BRINP3: variants seen among roughly 807,000 people sequenced by gnomAD.
The protein encoded by BRINP3 is BMP/retinoic acid-inducible neural-specific protein 3.
A neutral mutation model predicts 71.0 loss-of-function variants in BRINP3; 19 were observed. The observed-to-expected ratio is 0.27, with a 90% CI of 0.19 to 0.39. The LOEUF is 0.39. Ranked by LOEUF, BRINP3 falls within the 10% of genes least tolerant of loss-of-function variation. BRINP3 has a pLI of 1.00. For missense variants in BRINP3, 959 were observed against 940.8 expected, an observed-to-expected ratio of 1.02 and a Z score of -0.25; for synonymous variants, 380 against 337.7, an observed-to-expected ratio of 1.13 and a Z score of -1.37.
chr1:190,311,892 C>T (rs1665546659), intron 2 of BRINP3, among the ~76,000 whole-genome samples: 1 of 149,614 alleles, frequency 6.7e-6, no homozygotes, highest in Non-Finnish European at 1.5e-5. Context: ...AAGAATAGTG[C>T]CAGGAGAGTA....
At chr1:190,245,871 G>A (rs983968853) in intron 4 of BRINP3, among the ~76,000 whole-genome samples, 23 of 150,714 alleles carry the variant, frequency 1.5e-4, no homozygotes, top group South Asian at 2.1e-4. Flanking sequence ...TTTTGTCCTT[G>A]CGATAGTTTG....
At chr1:190,189,743 A>C (rs893621391) in intron 6 of BRINP3, among the ~76,000 whole-genome samples, 4 of 151,932 alleles carry the variant, frequency 2.6e-5, no homozygotes, top group African/African-American at 9.7e-5. Flanking sequence ...TTATCAGACA[A>C]TTTATAATTA....
At chr1:190,119,589 C>A (rs1653459801) in intron 7 of BRINP3, among the ~76,000 whole-genome samples, 1 of 152,060 alleles carries the variant, frequency 6.6e-6, no homozygotes, top group Admixed American at 6.6e-5. Flanking sequence ...GCCCAGCCCT[C>A]TTTTTACTTT....
intron 6 of BRINP3, among the ~76,000 whole-genome samples, chr1:190,186,622 T>A (rs1571940697): frequency 6.6e-6 from 1 of 152,258 alleles, no homozygotes; most frequent in East Asian, 1.9e-4. Context: ...TTAGCCTGAG[T>A]GCCTTTCCAA....
chr1:190,277,085 T>TG (rs1553276622), intron 3 of BRINP3, among the ~76,000 whole-genome samples: 69 of 12,300 alleles, frequency 5.6e-3, no homozygotes, highest in African/African-American at 9.1e-3. Flanking sequence ...TAAATTTTGG[T>TG]TTTATATATA....
intron 2 of BRINP3, among the ~76,000 whole-genome samples, chr1:190,425,178 G>A (rs546457452): frequency 6.6e-6 from 1 of 151,664 alleles, no homozygotes; most frequent in Non-Finnish European, 1.5e-5. Context: ...ATATTTTGGA[G>A]AACAGAAGAA....
At chr1:190,471,016 T>A (rs1677102547) in intron 1 of BRINP3, among the ~76,000 whole-genome samples, 1 of 151,218 alleles carries the variant, frequency 6.6e-6, no homozygotes, top group African/African-American at 2.4e-5. Flanking sequence ...GCTTATAAAG[T>A]AAGCTTATAA....
At chr1:190,232,835 T>C (rs764190245) in intron 5 of BRINP3, among the ~76,000 whole-genome samples, 2 of 152,108 alleles carry the variant, frequency 1.3e-5, no homozygotes, top group Non-Finnish European at 2.9e-5. Flanking sequence ...GTCATTTTTA[T>C]TGCAATTCAT....
At chr1:190,181,856 T>C (rs748476671) in intron 6 of BRINP3, among the ~76,000 whole-genome samples, 1 of 152,022 alleles carries the variant, frequency 6.6e-6, no homozygotes, top group Non-Finnish European at 1.5e-5. Context: ...TGTTATTTCT[T>C]TCTGTTTAGG....
At chr1:190,265,431 G>A (rs989327273) in intron 3 of BRINP3, among the ~76,000 whole-genome samples, 1 of 151,896 alleles carries the variant, frequency 6.6e-6, no homozygotes, top group African/African-American at 2.4e-5. Context: ...GCCGGGCACG[G>A]TGGCTCACGC....
intron 2 of BRINP3, among the ~76,000 whole-genome samples, chr1:190,356,042 T>C (rs1460008538): frequency 1.3e-5 from 2 of 152,104 alleles, no homozygotes; most frequent in African/African-American, 4.8e-5. Context: ...ATCTGTTCAA[T>C]AGGTGTCAGT....
chr1:190,300,881 C>CA (rs1297008282), intron 2 of BRINP3, among the ~76,000 whole-genome samples: 1 of 151,958 alleles, frequency 6.6e-6, no homozygotes, highest in Non-Finnish European at 1.5e-5. Flanking sequence ...TCTCCTCCTC[C>CA]AAAGGAACGC....
At chr1:190,362,179 A>G (rs1421123296) in intron 2 of BRINP3, 4 of 152,164 alleles carry the variant, frequency 2.6e-5, no homozygotes, top group South Asian at 2.1e-4. Flanking sequence ...AAGAACTTCA[A>G]AGAAACAAAA....
chr1:190,160,187 T>A (rs543066311), intron 7 of BRINP3, among the ~76,000 whole-genome samples: 89 of 152,144 alleles, frequency 5.8e-4, no homozygotes, highest in Non-Finnish European at 1.1e-3. Flanking sequence ...CTATTAAATT[T>A]TAGAAGCTTT....
chr1:190,429,291 T>C (rs1200126094), intron 2 of BRINP3, among the ~76,000 whole-genome samples: 1 of 152,168 alleles, frequency 6.6e-6, no homozygotes, highest in Non-Finnish European at 1.5e-5. Context: ...CTGGAAAGAA[T>C]TTAAATGTAT....
chr1:190,425,178 G>C (rs546457452), intron 2 of BRINP3, among the ~76,000 whole-genome samples: 1 of 151,664 alleles, frequency 6.6e-6, no homozygotes, highest in Non-Finnish European at 1.5e-5. Flanking sequence ...ATATTTTGGA[G>C]AACAGAAGAA....
chr1:190,297,448 T>G (rs1451648629), intron 2 of BRINP3, among the ~76,000 whole-genome samples: 1 of 152,056 alleles, frequency 6.6e-6, no homozygotes, highest in Non-Finnish European at 1.5e-5. Flanking sequence ...AGAGAAAAGC[T>G]CCTTGTTTAC....
chr1:190,438,185 T>A (rs1674590016), intron 2 of BRINP3, among the ~76,000 whole-genome samples: 1 of 151,516 alleles, frequency 6.6e-6, no homozygotes, highest in Admixed American at 6.6e-5. Context: ...TACTATAGAA[T>A]CATTCTTTAA....
chr1:190,152,491 A>AATAT (rs141753835), intron 7 of BRINP3, among the ~76,000 whole-genome samples: 7,116 of 141,612 alleles, frequency 0.05, 231 homozygotes, highest in African/African-American at 0.06. Flanking sequence ...TACATGCACA[A>AATAT]ATATATATAT....
Sources: allele counts gnomAD v4.1 joint callset (sites outside exome capture counted in the v4.1 genomes callset), GRCh38; gene constraint gnomAD v4.1.1; transcripts MANE v1.5; gene names NCBI Gene and HGNC (gene_info 2026-07-23, HGNC 2026-07-21).